Variants in TMEM178B observed in about 807,000 individuals in gnomAD.
The protein encoded by TMEM178B is transmembrane protein 178B.
Under a neutral mutation model 31.0 loss-of-function variants are expected in TMEM178B, and 5 were observed. That is an observed-to-expected ratio of 0.16 (90% CI 0.08 to 0.34). The LOEUF is 0.34. Among genes scored for constraint, TMEM178B ranks in the 10% least tolerant of loss-of-function variants. TMEM178B has a pLI of 1.00. For missense variants in TMEM178B, 275 were observed against 400.3 expected, an observed-to-expected ratio of 0.69 and a Z score of 2.67; for synonymous variants, 164 against 164.0, an observed-to-expected ratio of 1.00 and a Z score of 0.00.
chr7:141,420,427 T>C (rs1801182579), intron 2 of TMEM178B, among the ~76,000 whole-genome samples: 1 of 152,176 alleles, frequency 6.6e-6, no homozygotes, highest in Non-Finnish European at 1.5e-5. Context: ...ATACTGACTT[T>C]AGTTTCCTTC....
chr7:141,232,540 T>G (rs1797464489), intron 2 of TMEM178B, among the ~76,000 whole-genome samples: 1 of 152,216 alleles, frequency 6.6e-6, no homozygotes, highest in African/African-American at 2.4e-5. Flanking sequence ...TGGTTTTGAT[T>G]TGCATTTCTC....
intron 2 of TMEM178B, among the ~76,000 whole-genome samples, chr7:141,271,404 T>C (rs1224003737): frequency 1.3e-5 from 2 of 152,198 alleles, no homozygotes; most frequent in Non-Finnish European, 2.9e-5. Flanking sequence ...ACTTTCCTCT[T>C]AGGAGCTTTT....
chr7:141,193,812 G>T (rs1454544702), intron 1 of TMEM178B, among the ~76,000 whole-genome samples: 1 of 152,230 alleles, frequency 6.6e-6, no homozygotes, highest in Non-Finnish European at 1.5e-5. Flanking sequence ...GCCCCCTGCA[G>T]GACCCTGCCC....
At chr7:141,312,028 C>T (rs1308699861) in intron 2 of TMEM178B, among the ~76,000 whole-genome samples, 1 of 152,192 alleles carries the variant, frequency 6.6e-6, no homozygotes, top group African/African-American at 2.4e-5. Context: ...TACTTTCTGC[C>T]ATCCCTACCT....
intron 2 of TMEM178B, among the ~76,000 whole-genome samples, chr7:141,405,180 T>C (rs938670996): frequency 6.6e-6 from 1 of 152,364 alleles, no homozygotes; most frequent in East Asian, 1.9e-4. Flanking sequence ...ACTAATCCAG[T>C]GGAGGGCATA....
chr7:141,390,307 A>C (rs1162740696), intron 2 of TMEM178B, among the ~76,000 whole-genome samples: 1 of 152,210 alleles, frequency 6.6e-6, no homozygotes. Context: ...TATCACAGGC[A>C]CTGGGGGCTC....
rs925622640 is a variant in TMEM178B at position 141,471,139 on chromosome 7, A to G, written c.*353A>G. On this transcript the variant is annotated 3_prime_UTR_variant, in exon 4 of 4. Coordinates refer to ENST00000565468, the MANE Select transcript of TMEM178B (RefSeq NM_001195278.2). This position sits in a 1 kb window ranked among gnomAD's most constrained non-coding sequence, Gnocchi z 4.1. ...AGATGTAGAGAAGGAAGTGCCACCC[A>G]CTGGGTCAACGGGAGAGGACGCCAC... The G allele has an allele frequency of 6.6e-6, 1 of 152,202 alleles. No homozygotes were observed. The highest frequency in any genetic ancestry group is 1.5e-5 in the Non-Finnish European group (1 of 68,102). 9.4% of individuals were successfully genotyped at this position (152,202 alleles called of 1,614,324 possible). A position where few individuals can be genotyped will look rare whatever the true frequency, so the allele number is the denominator to read the frequency against.
At chr7:141,416,788 T>C (rs1267645299) in intron 2 of TMEM178B, among the ~76,000 whole-genome samples, 2 of 152,166 alleles carry the variant, frequency 1.3e-5, no homozygotes, top group African/African-American at 4.8e-5. Context: ...CACATGGGGC[T>C]AACGGGGTGG....
chr7:141,137,393 G>T (rs144909125), intron 1 of TMEM178B, among the ~76,000 whole-genome samples: 2,809 of 152,260 alleles, frequency 0.018, 32 homozygotes, highest in Non-Finnish European at 0.029. Context: ...CAAAGAAAAT[G>T]AAATCTTGTC....
At chr7:141,134,919 C>T (rs927649659) in intron 1 of TMEM178B, among the ~76,000 whole-genome samples, 2 of 152,178 alleles carry the variant, frequency 1.3e-5, no homozygotes, top group African/African-American at 2.4e-5. Flanking sequence ...GGGAGGGAGC[C>T]AGTGGGAGAT....
At chr7:141,448,101 G>T (rs931410249) in intron 3 of TMEM178B, among the ~76,000 whole-genome samples, 1 of 151,794 alleles carries the variant, frequency 6.6e-6, no homozygotes, top group Non-Finnish European at 1.5e-5. Flanking sequence ...GCTTGCCTTT[G>T]ATGACTGAAT....
intron 2 of TMEM178B, among the ~76,000 whole-genome samples, chr7:141,412,161 C>A (rs924746250): frequency 4.6e-5 from 7 of 152,136 alleles, no homozygotes; most frequent in Admixed American, 6.5e-5. Flanking sequence ...TCCCTCCACG[C>A]CATCTCTGAA....
intron 1 of TMEM178B, among the ~76,000 whole-genome samples, chr7:141,115,141 C>T (rs1586777405): frequency 6.6e-6 from 1 of 152,108 alleles, no homozygotes; most frequent in Non-Finnish European, 1.5e-5. Flanking sequence ...CTCCTGGGTT[C>T]AAGTGATTCT....
At chr7:141,088,519 G>A (rs1045829102) in intron 1 of TMEM178B, among the ~76,000 whole-genome samples, 3 of 151,958 alleles carry the variant, frequency 2.0e-5, no homozygotes, top group South Asian at 4.1e-4. Flanking sequence ...TCTCAGCCAC[G>A]TCTAGGGCCA....
rs922929882 is a variant in TMEM178B at position 141,327,581 on chromosome 7, T to G, written c.497-110027T>G. ...ATAAAAACATGTTCAAATCCCTTTT[T>G]GGGGCATAAGAAGGACAAGATGTAT... On this transcript the variant is annotated intron_variant, in intron 2 of 3. Coordinates refer to ENST00000565468, the MANE Select transcript of TMEM178B (RefSeq NM_001195278.2). 5.3e-5 allele frequency among the ~76,000 whole-genome samples: 8 copies of G among 152,214 alleles called. No individual in the cohort carries two copies. The East Asian group carries it at 1.3e-3, about 26-fold the overall frequency.
chr7:141,416,998 A>C (rs1292076497), intron 2 of TMEM178B, among the ~76,000 whole-genome samples: 1 of 152,248 alleles, frequency 6.6e-6, no homozygotes, highest in Non-Finnish European at 1.5e-5. Flanking sequence ...ACATAAAAGC[A>C]AAGCCATTAG....
chr7:141,503,777 A>G, the TMEM178B span, among the ~76,000 whole-genome samples: 15,838 of 152,202 alleles, frequency 0.1, 2,524 homozygotes, highest in African/African-American at 0.34. Context: ...TCATGTGCAA[A>G]TTGGGGCAAT....
chr7:141,402,138 C>G (rs1006501775), intron 2 of TMEM178B, among the ~76,000 whole-genome samples: 2 of 152,148 alleles, frequency 1.3e-5, no homozygotes, highest in Non-Finnish European at 2.9e-5. Flanking sequence ...CCGGAGGACC[C>G]GCTCACTACA....
At chr7:141,427,432 G>T (rs956379481) in intron 2 of TMEM178B, among the ~76,000 whole-genome samples, 1 of 152,136 alleles carries the variant, frequency 6.6e-6, no homozygotes, top group African/African-American at 2.4e-5. Context: ...TTCAACAAAG[G>T]TGTCAAGAAC....
Sources: allele counts gnomAD v4.1 joint callset (sites outside exome capture counted in the v4.1 genomes callset), GRCh38; gene constraint gnomAD v4.1.1; non-coding constraint Gnocchi (gnomAD v3.1); transcripts MANE v1.5; gene names NCBI Gene and HGNC (gene_info 2026-07-23, HGNC 2026-07-21).